PRDM2: variants seen among roughly 807,000 people sequenced by gnomAD.
PRDM2 encodes PR domain zinc finger protein 2.
PRDM2 carries 30 observed loss-of-function variants against 130.0 expected under a neutral mutation model. That is an observed-to-expected ratio of 0.23 (90% CI 0.17 to 0.31). The LOEUF (loss-of-function observed/expected upper bound fraction) is 0.31, where lower values mean the gene tolerates loss of function less well. Among genes scored for constraint, PRDM2 ranks in the 10% least tolerant of loss-of-function variants. The pLI, the probability that PRDM2 is intolerant of heterozygous loss-of-function variation, is 1.00. For synonymous variants in PRDM2, 871 were observed against 782.4 expected (o/e 1.11, Z -1.89); for missense variants, 2,011 against 2,108.4 (o/e 0.95, Z 0.90).
chr1:13,783,164 C>T (rs1250581235), intron 8 of PRDM2: 5 of 543,338 alleles, frequency 9.2e-6, no homozygotes, highest in Non-Finnish European at 1.8e-5. Flanking sequence ...GGTAATAGCT[C>T]AGTGTCATGT....
At chr1:13,788,938 A>G (rs1247988373) in intron 8 of PRDM2, among the ~76,000 whole-genome samples, 1 of 152,156 alleles carries the variant, frequency 6.6e-6, no homozygotes, top group Non-Finnish European at 1.5e-5. Flanking sequence ...CAGTCTGCAA[A>G]AAGTGGGGAG....
At position 13,778,488 on chromosome 1, in the gene PRDM2, C is replaced by G. The variant is rs1283117219; in HGVS notation, c.693C>G (p.Ala231=). 1 of 1,614,110 alleles carries G rather than the reference C, an allele frequency of 6.2e-7. No individual in the cohort carries two copies. Among genetic ancestry groups the G allele is most frequent in the East Asian group, 2.2e-5 (1 of 44,880 alleles). Residue 231 remains alanine (A), a synonymous_variant, in exon 8 of 10, where the codon GCC becomes GCG. Coordinates refer to ENST00000311066, the MANE Select transcript of PRDM2 (RefSeq NM_001393986.1). ...AGCCGGCCACCCTCCAGGAGGTGGC[C>G]AGTCAGGAGGTGCCTCCAGAACTAG... ...LEQPATLQEV[A]SQEVPPELAT... is the part of the protein sequence containing the mutation.
chr1:13,812,348 C>T (rs1294123533), intron 8 of PRDM2, among the ~76,000 whole-genome samples: 1 of 152,152 alleles, frequency 6.6e-6, no homozygotes, highest in Non-Finnish European at 1.5e-5. Flanking sequence ...GTCTCACAGG[C>T]CCCATGATCA....
intron 8 of PRDM2, among the ~76,000 whole-genome samples, chr1:13,798,971 C>T (rs555032699): frequency 4.9e-4 from 74 of 152,312 alleles, no homozygotes; most frequent in African/African-American, 1.7e-3. Flanking sequence ...AACACAGTAT[C>T]GCTTGCCTTG....
intron 2 of PRDM2, among the ~76,000 whole-genome samples, chr1:13,730,184 G>A (rs1405623032): frequency 6.6e-6 from 1 of 152,116 alleles, no homozygotes; most frequent in African/African-American, 2.4e-5. Context: ...TGGTGTACTG[G>A]TTACTAGACC....
intron 3 of PRDM2, among the ~76,000 whole-genome samples, chr1:13,732,313 A>G (rs923472603): frequency 2.6e-5 from 4 of 152,200 alleles, no homozygotes; most frequent in African/African-American, 4.8e-5. Flanking sequence ...CTTCAAAACT[A>G]TTTATTCATA....
At chr1:13,722,394 TGTG>T (rs1015401587) in intron 2 of PRDM2, among the ~76,000 whole-genome samples, 5 of 152,092 alleles carry the variant, frequency 3.3e-5, no homozygotes, top group African/African-American at 9.7e-5. Flanking sequence ...GGGGACCTAA[TGTG>T]GTGAGGGTAG....
At chr1:13,719,492 C>G (rs1341159845) in intron 2 of PRDM2, among the ~76,000 whole-genome samples, 1 of 152,186 alleles carries the variant, frequency 6.6e-6, no homozygotes, top group Non-Finnish European at 1.5e-5. Context: ...CCCCACTGTG[C>G]TATGGAGACT....
chr1:13,705,945 G>A, intron 1 of PRDM2, among the ~76,000 whole-genome samples: 1 of 134,532 alleles, frequency 7.4e-6, no homozygotes, highest in Admixed American at 8.9e-5. Context: ...TCGCGCCACT[G>A]CACTCCAGCC....
chr1:13,703,164 T>C (rs2100372935), intron 1 of PRDM2, among the ~76,000 whole-genome samples: 1 of 152,322 alleles, frequency 6.6e-6, no homozygotes, highest in South Asian at 2.1e-4. Flanking sequence ...TGGACTCCAT[T>C]ACTGAAAACA....
intron 5 of PRDM2, among the ~76,000 whole-genome samples, chr1:13,745,284 AG>A (rs1490775420): frequency 1.3e-5 from 2 of 152,180 alleles, no homozygotes; most frequent in Non-Finnish European, 2.9e-5. Context: ...CCAGTGAGTC[AG>A]GGAAGGCCTT....
chr1:13,718,232 C>T (rs1305066821), intron 2 of PRDM2, among the ~76,000 whole-genome samples: 15 of 152,142 alleles, frequency 9.9e-5, no homozygotes, highest in Non-Finnish European at 2.9e-5. Context: ...TTAGGTTATT[C>T]TCCCCAGGAA....
At chr1:13,716,193 C>T (rs989976402) in intron 2 of PRDM2, among the ~76,000 whole-genome samples, 13 of 151,034 alleles carry the variant, frequency 8.6e-5, no homozygotes, top group African/African-American at 2.4e-4. Flanking sequence ...AGTAAACTAT[C>T]GCAAGAACAA....
At chr1:13,787,498 C>T (rs955304652) in intron 8 of PRDM2, 15 of 984,712 alleles carry the variant, frequency 1.5e-5, no homozygotes, top group Non-Finnish European at 4.8e-6. Flanking sequence ...AAGTAATCTA[C>T]CTCTGAAAAA....
At chr1:13,755,425 T>C (rs1337234047) in intron 6 of PRDM2, among the ~76,000 whole-genome samples, 1 of 152,222 alleles carries the variant, frequency 6.6e-6, no homozygotes, top group Non-Finnish European at 1.5e-5. Context: ...CTTGTCCATA[T>C]GTAAATTGGA....
intron 8 of PRDM2, among the ~76,000 whole-genome samples, chr1:13,809,354 T>C (rs570102994): frequency 3.6e-4 from 55 of 152,002 alleles, no homozygotes; most frequent in African/African-American, 1.2e-3. Context: ...CGAGAGGTGG[T>C]CCCCGACAGT....
intron 8 of PRDM2, among the ~76,000 whole-genome samples, chr1:13,799,445 CAAA>C (rs5772551): frequency 1.5e-5 from 2 of 131,304 alleles, no homozygotes; most frequent in Non-Finnish European, 3.3e-5. Flanking sequence ...AACTCCATCT[CAAA>C]AAAAAAAAAA....
chr1:13,793,849 T>TA (rs1644881454), intron 8 of PRDM2, among the ~76,000 whole-genome samples: 2 of 151,272 alleles, frequency 1.3e-5, no homozygotes, highest in African/African-American at 4.9e-5. Flanking sequence ...AAAAAAAAGT[T>TA]AGTGTTTTAA....
intron 9 of PRDM2, among the ~76,000 whole-genome samples, chr1:13,819,794 G>C (rs565349687): frequency 6.6e-6 from 1 of 152,296 alleles, no homozygotes; most frequent in South Asian, 2.1e-4. Context: ...GGGCCTGGGG[G>C]AGAGCAAGCT....
Sources: gnomAD v4.1 joint callset for allele counts (sites outside exome capture counted in the v4.1 genomes callset) on GRCh38, gnomAD v4.1.1 for gene constraint, MANE v1.5 for transcripts, NCBI Gene and HGNC (gene_info 2026-07-23, HGNC 2026-07-21) for gene names.